Variants in CAMSAP1 observed in about 807,000 individuals in gnomAD.
CAMSAP1 encodes the protein calmodulin-regulated spectrin-associated protein 1.
Under a neutral mutation model 143.5 loss-of-function variants are expected in CAMSAP1, and 58 were observed. The ratio of observed to expected loss-of-function variants is 0.40; its 90% CI spans 0.33 to 0.50. CAMSAP1 has a LOEUF of 0.50. CAMSAP1 is among the 20% of genes least tolerant of loss of function. The pLI, the probability that CAMSAP1 is intolerant of heterozygous loss-of-function variation, is 0.45. For synonymous variants in CAMSAP1, 945 were observed against 859.3 expected (o/e 1.10, Z -1.74); for missense variants, 1,969 against 2,115.7 (o/e 0.93, Z 1.36).
chr9:135,871,871 G>A (rs140555464), intron 3 of CAMSAP1, among the ~76,000 whole-genome samples: 163 of 152,300 alleles, frequency 1.1e-3, no homozygotes, highest in African/African-American at 3.8e-3. Context: ...AGGAGGCCGA[G>A]GTGGGCAGAT....
chr9:135,907,366 G>A lies in CAMSAP1; in HGVS notation c.-207C>T, dbSNP rs1241736859. 2 of 170,984 alleles carry A rather than the reference G, an allele frequency of 1.2e-5. No homozygotes were observed. Among genetic ancestry groups the A allele is most frequent in the Non-Finnish European group, 2.3e-5 (2 of 87,580 alleles). The allele number at this position is 170,984 out of a possible 1,614,324, so 10.6% of individuals were successfully genotyped here. A position where few individuals can be genotyped will look rare whatever the true frequency, so the allele number is the denominator to read the frequency against. ...TGCATGCTGCGGGCGCTGAGCCCGA[G>A]CGGAGGAGGTGCCGAGCCCGCGGCC... On this transcript the variant is annotated 5_prime_UTR_variant, in exon 1 of 17. Coordinates refer to ENST00000389532, the MANE Select transcript of CAMSAP1 (RefSeq NM_015447.4).
chr9:135,811,830 A>T lies in CAMSAP1; in HGVS notation c.4507-219T>A, dbSNP rs1835064354. On this transcript the variant is annotated intron_variant, in intron 16 of 16. Coordinates refer to ENST00000389532, the MANE Select transcript of CAMSAP1 (RefSeq NM_015447.4). The surrounding 1 kb of genome is among the most constrained non-coding windows in gnomAD (Gnocchi z 4.9). Reference sequence around the variant, plus strand: ...TAAGAAGTCTAAGCAAGCAAGGGGGAAAAGAATGCTTTTACGATTAAATGG... The same window carrying T: ...TAAGAAGTCTAAGCAAGCAAGGGGGTAAAGAATGCTTTTACGATTAAATGG... 6.6e-6 allele frequency among the ~76,000 whole-genome samples: 1 copy of T among 152,206 alleles called. No homozygotes were observed. The highest frequency in any genetic ancestry group is 1.5e-5 in the Non-Finnish European group (1 of 68,036).
intron 3 of CAMSAP1, 67 bp downstream of exon 3, chr9:135,881,566 C>A: frequency 1.3e-6 from 2 of 1,517,720 alleles, no homozygotes; most frequent in Non-Finnish European, 1.8e-6. Flanking sequence ...AGGTGTGCTG[C>A]TCTCAAGTGA....
At chr9:135,902,815 C>A (rs1223931213) in intron 1 of CAMSAP1, among the ~76,000 whole-genome samples, 1 of 152,120 alleles carries the variant, frequency 6.6e-6, no homozygotes, top group Non-Finnish European at 1.5e-5. Context: ...TGCCTCTGGG[C>A]AGGCCATGTG....
Position 135,822,454 on chromosome 9 carries a change from T to C in CAMSAP1, c.2207A>G (p.Gln736Arg), listed in dbSNP as rs774158968. ...GTCCACCACATCCGAGTCAGAATCC[T>C]GCCTGAGGAGAGTCCACGGCTCTGA... is the stretch of plus-strand genomic sequence containing the variant. ...HDSEPWTLLRQDSDSDVVDIE... is the reference protein window; with the variant it reads ...HDSEPWTLLRRDSDSDVVDIE... The change falls in exon 11 of 17, where the codon CAG becomes CGG. Residue 736 changes from glutamine (Q) to arginine (R), a missense_variant. Gln to Arg is a conservative substitution (Grantham distance 43). This residue lies in a region of CAMSAP1 where 1,390 missense variants were observed against 1,420.8 expected (regional missense o/e 0.98). Coordinates refer to ENST00000389532, the MANE Select transcript of CAMSAP1 (RefSeq NM_015447.4). This position sits in a 1 kb window ranked among gnomAD's most constrained non-coding sequence, Gnocchi z 6.1. 1 of 1,613,784 alleles carries C rather than the reference T, an allele frequency of 6.2e-7. No individual in the cohort carries two copies. The highest frequency in any genetic ancestry group is 8.5e-7 in the Non-Finnish European group (1 of 1,179,900).
intron 7 of CAMSAP1, among the ~76,000 whole-genome samples, chr9:135,841,001 T>C (rs1379836457): frequency 6.6e-6 from 1 of 152,036 alleles, no homozygotes; most frequent in Non-Finnish European, 1.5e-5. Flanking sequence ...GAGGCAGAAC[T>C]GTTCATTCCC....
At chr9:135,876,444 A>T (rs1301178841) in intron 3 of CAMSAP1, among the ~76,000 whole-genome samples, 2 of 152,046 alleles carry the variant, frequency 1.3e-5, no homozygotes, top group Non-Finnish European at 2.9e-5. Flanking sequence ...TCATAAAAGA[A>T]TGTAGACAAG....
At chr9:135,873,174 T>G (rs1423254810) in intron 3 of CAMSAP1, among the ~76,000 whole-genome samples, 1 of 152,200 alleles carries the variant, frequency 6.6e-6, no homozygotes, top group Non-Finnish European at 1.5e-5. Context: ...CACAAAAAGC[T>G]ATCTAGAACC....
chr9:135,893,211 G>A (rs1188205785), intron 1 of CAMSAP1, among the ~76,000 whole-genome samples: 1 of 150,630 alleles, frequency 6.6e-6, no homozygotes, highest in Non-Finnish European at 1.5e-5. Context: ...GAGAGAGGAG[G>A]ACAGTGAAAG....
At chr9:135,832,071 A>C (rs952589333) in intron 7 of CAMSAP1, among the ~76,000 whole-genome samples, 15 of 152,210 alleles carry the variant, frequency 9.9e-5, no homozygotes, top group African/African-American at 2.9e-4. Flanking sequence ...TCATTTTATG[A>C]AGACAGCATC....
intron 7 of CAMSAP1, among the ~76,000 whole-genome samples, chr9:135,845,022 G>C (rs965073190): frequency 6.6e-6 from 1 of 152,112 alleles, no homozygotes; most frequent in African/African-American, 2.4e-5. Flanking sequence ...CATTTTATGA[G>C]GCCAGCATCA....
At chr9:135,838,848 C>T (rs1240397837) in intron 7 of CAMSAP1, among the ~76,000 whole-genome samples, 14 of 151,604 alleles carry the variant, frequency 9.2e-5, no homozygotes, top group Admixed American at 9.2e-4. Context: ...CAAGCAGTTT[C>T]TACCCATTCT....
Position 135,809,442 on chromosome 9 carries a change from T to A in CAMSAP1, c.*1867A>T, listed in dbSNP as rs1457370029. 3 of 152,224 alleles carry A rather than the reference T, an allele frequency of 2.0e-5. No homozygotes were observed. The highest frequency in any genetic ancestry group is 4.4e-5 in the Non-Finnish European group (3 of 68,050). The allele number at this position is 152,224 out of a possible 1,614,324, so 9.4% of individuals were successfully genotyped here. On this transcript the variant is annotated 3_prime_UTR_variant, in exon 17 of 17. Coordinates refer to ENST00000389532, the MANE Select transcript of CAMSAP1 (RefSeq NM_015447.4). ...AGCTCTATGCCAGATATTTTCTAGC[T>A]CTTCATTAAAAAGAATCCAATTCCA...
chr9:135,907,449 A>T lies in CAMSAP1; in HGVS notation c.-290T>A, dbSNP rs1477852703. On this transcript the variant is annotated 5_prime_UTR_variant, in exon 1 of 17. Transcript: ENST00000389532. ...GGGCGGGGGCGGGCGCGGGGGCGGG[A>T]GCGGGCCGGGGGCGGTGGCAGCGCG... 7.3e-6 allele frequency among the ~76,000 whole-genome samples: 1 copy of T among 137,226 alleles called. No homozygotes were observed. The highest frequency in any genetic ancestry group is 7.2e-5 in the Admixed American group (1 of 13,872). 90.0% of individuals were successfully genotyped at this position (137,226 alleles called of 152,430 possible).
At chr9:135,845,981 A>G (rs958165858) in intron 7 of CAMSAP1, among the ~76,000 whole-genome samples, 2 of 149,948 alleles carry the variant, frequency 1.3e-5, no homozygotes, top group African/African-American at 4.9e-5. Flanking sequence ...CCATCAAACT[A>G]CCATTGACTT....
intron 4 of CAMSAP1, 104 bp from the exon 5 acceptor site, chr9:135,862,712 G>C: frequency 8.5e-7 from 1 of 1,171,442 alleles, no homozygotes; most frequent in Non-Finnish European, 1.2e-6. Context: ...ACGCCTAACA[G>C]ACAACATGGA....
chr9:135,856,382 A>T (rs922491007), intron 5 of CAMSAP1, among the ~76,000 whole-genome samples: 1 of 152,192 alleles, frequency 6.6e-6, no homozygotes, highest in Non-Finnish European at 1.5e-5. Flanking sequence ...GTATGGGGGA[A>T]ACTGCCCCTG....
Position 135,818,678 on chromosome 9 carries a change from C to G in CAMSAP1, c.3960-62G>C. On this transcript the variant is annotated intron_variant, in intron 12 of 16. Coordinates refer to ENST00000389532, the MANE Select transcript of CAMSAP1 (RefSeq NM_015447.4). This position sits in a 1 kb window ranked among gnomAD's most constrained non-coding sequence, Gnocchi z 7.7. ...GGGGCTTCTTCCACGACGCCTGCGC[C>G]GCGGCGCTCTGTCCAGGCGCGTTTC... 6.4e-7 allele frequency: 1 copy of G among 1,560,098 alleles called. No homozygotes were observed. The highest frequency in any genetic ancestry group is 8.7e-7 in the Non-Finnish European group (1 of 1,149,310).
In CAMSAP1 at chr9:135,809,430, A is replaced by C. The variant is rs1410880760; in HGVS notation, c.*1879T>G. The C allele has an allele frequency of 1.3e-5, 2 of 152,226 alleles. No individual in the cohort carries two copies. The highest frequency in any genetic ancestry group is 4.8e-5 in the African/African-American group (2 of 41,460). The allele number at this position is 152,226 out of a possible 1,614,324, so 9.4% of individuals were successfully genotyped here. A position where few individuals can be genotyped will look rare whatever the true frequency, so the allele number is the denominator to read the frequency against. Reference sequence around the variant, plus strand: ...ATGCAATTTTCCAGCTCTATGCCAGATATTTTCTAGCTCTTCATTAAAAAG... The same window carrying C: ...ATGCAATTTTCCAGCTCTATGCCAGCTATTTTCTAGCTCTTCATTAAAAAG... On this transcript the variant is annotated 3_prime_UTR_variant, in exon 17 of 17. Transcript: ENST00000389532.
Sources: gnomAD v4.1 joint callset for allele counts (sites outside exome capture counted in the v4.1 genomes callset) on GRCh38, gnomAD v4.1.1 for gene constraint, gnomAD v4.1.1 regional missense constraint, Gnocchi (gnomAD v3.1) non-coding constraint, MANE v1.5 for transcripts, NCBI Gene and HGNC (gene_info 2026-07-23, HGNC 2026-07-21) for gene names.